The following NUFIP1 variants were observed in gnomAD, a reference collection of about 807,000 sequenced individuals.
NUFIP1 encodes the protein FMR1-interacting protein NUFIP1.
Under a neutral mutation model 56.2 loss-of-function variants are expected in NUFIP1, and 38 were observed. The observed-to-expected ratio is 0.68, with a 90% CI of 0.52 to 0.89. NUFIP1 has a LOEUF of 0.89. NUFIP1 is among the 40% of genes least tolerant of loss of function. The pLI is 0.00. For synonymous variants in NUFIP1, 215 were observed against 212.4 expected, an observed-to-expected ratio of 1.01 and a Z score of -0.10; for missense variants, 567 against 605.8, an observed-to-expected ratio of 0.94 and a Z score of 0.67.
intron 7 of NUFIP1, among the ~76,000 whole-genome samples, chr13:44,954,099 G>A (rs1486709659): frequency 1.3e-5 from 2 of 152,164 alleles, no homozygotes; most frequent in African/African-American, 4.8e-5. Flanking sequence ...TAAAGACTAT[G>A]CTGAAGGCAT....
At chr13:44,969,960 T>C (rs1350650054) in intron 5 of NUFIP1, among the ~76,000 whole-genome samples, 1 of 152,238 alleles carries the variant, frequency 6.6e-6, no homozygotes, top group Non-Finnish European at 1.5e-5. Context: ...CAGCATTCTT[T>C]AGAGCAGATC....
intron 5 of NUFIP1, among the ~76,000 whole-genome samples, chr13:44,971,192 G>A (rs1417654602): frequency 6.6e-6 from 1 of 152,080 alleles, no homozygotes; most frequent in Non-Finnish European, 1.5e-5. Context: ...AGTGCCCAAA[G>A]AATTTTCAGA....
intron 8 of NUFIP1, among the ~76,000 whole-genome samples, chr13:44,945,867 G>A (rs1328012439): frequency 6.6e-6 from 1 of 152,060 alleles, no homozygotes; most frequent in Non-Finnish European, 1.5e-5. Flanking sequence ...CAATTGCCTA[G>A]ACAAGAGTGG....
chr13:44,959,865 ATTAAAGGCCAAT>A (rs1278727611), intron 6 of NUFIP1, among the ~76,000 whole-genome samples: 1 of 152,030 alleles, frequency 6.6e-6, no homozygotes, highest in Non-Finnish European at 1.5e-5. Flanking sequence ...TCGTATTATC[ATTAAAGGCCAAT>A]TTAACTGGCA....
At chr13:44,977,725 G>A (rs1054814791) in intron 5 of NUFIP1, among the ~76,000 whole-genome samples, 1 of 152,206 alleles carries the variant, frequency 6.6e-6, no homozygotes, top group African/African-American at 2.4e-5. Flanking sequence ...ACCAAGTCCC[G>A]TTGACTGGTT....
intron 6 of NUFIP1, among the ~76,000 whole-genome samples, chr13:44,961,110 CTGTG>C (rs370952385): frequency 1.4e-5 from 2 of 145,046 alleles, no homozygotes; most frequent in Non-Finnish European, 1.5e-5. Flanking sequence ...CTAATTTAAA[CTGTG>C]TGTGTGTGTG....
At chr13:44,966,272 GTCTATTCAATTTAT>G (rs1414492477) in intron 5 of NUFIP1, among the ~76,000 whole-genome samples, 1 of 152,006 alleles carries the variant, frequency 6.6e-6, no homozygotes, top group African/African-American at 2.4e-5. Context: ...AAATTTTTAA[GTCTATTCAATTTAT>G]TCTAGTCATT....
chr13:44,955,925 C>T (rs893780534), intron 7 of NUFIP1, among the ~76,000 whole-genome samples: 7 of 151,382 alleles, frequency 4.6e-5, no homozygotes, highest in African/African-American at 7.3e-5. Flanking sequence ...GGGTGGATCA[C>T]GAGGTCAGGA....
chr13:44,981,645 T>C (rs1446197879), intron 2 of NUFIP1, among the ~76,000 whole-genome samples: 2 of 152,008 alleles, frequency 1.3e-5, no homozygotes, highest in Non-Finnish European at 2.9e-5. Context: ...ACCCCAACTC[T>C]ACTAAAACTA....
chr13:44,989,125 T>C lies in NUFIP1; in HGVS notation c.312A>G (p.Gln104=), dbSNP rs1303037024. Residue 104 remains glutamine, a synonymous_variant, in exon 1 of 10, where the codon CAA becomes CAG. Transcript: ENST00000379161. ...DAQSPLDSQP[Q]PSGQPWNFHA... ...GGAAATTCCAAGGCTGGCCGCTGGG[T>C]TGAGGCTGAGAATCAAGGGGAGACT... 15 of 1,613,932 alleles carry C rather than the reference T, an allele frequency of 9.3e-6. No homozygotes were observed. The highest frequency in any genetic ancestry group is 4.0e-5 in the African/African-American group (3 of 74,884).
intron 7 of NUFIP1, 55 bp downstream of exon 7, chr13:44,959,326 C>T: frequency 2.0e-6 from 3 of 1,488,524 alleles, no homozygotes; most frequent in Non-Finnish European, 2.8e-6. Flanking sequence ...GAATAATCAA[C>T]TTCAGCATCA....
intron 7 of NUFIP1, among the ~76,000 whole-genome samples, chr13:44,955,843 C>CA (rs1236669992): frequency 2.9e-4 from 44 of 150,772 alleles, no homozygotes; most frequent in African/African-American, 1.0e-3. Flanking sequence ...AAAAATCACA[C>CA]AAAAGAATCT....
Position 44,989,236 on chromosome 13 carries a change from G to T in NUFIP1, c.201C>A (p.Pro67=), listed in dbSNP as rs375419063. ...AGSKPSSESQ[P]PMEAQSLPGA... is the part of the protein sequence containing the mutation. ...CGGGGAGAGACTGGGCCTCCATGGG[G>T]GGCTGCGACTCAGAGGAAGGCTTTG... Residue 67 remains proline, a synonymous_variant, in exon 1 of 10, where the codon CCC becomes CCA. Transcript: ENST00000379161. 10 of 1,612,634 alleles carry T rather than the reference G, an allele frequency of 6.2e-6. No homozygotes were observed. Among genetic ancestry groups the T allele is most frequent in the South Asian group, 4.4e-5 (4 of 90,894 alleles).
Position 44,989,279 on chromosome 13 carries a change from G to A in NUFIP1, c.158C>T (p.Ser53Leu). 2.5e-6 allele frequency: 4 copies of A among 1,613,630 alleles called. No homozygotes were observed. The highest frequency in any genetic ancestry group is 3.4e-6 in the Non-Finnish European group (4 of 1,179,890). The change falls in exon 1 of 10, where the codon TCG (serine) becomes TTG (leucine). Residue 53 changes from serine (S) to leucine (L), a missense_variant. Transcript: ENST00000379161. ...LPPPPPPLTSSLPAAGSKPSS... is the reference protein window; with the variant it reads ...LPPPPPPLTSLLPAAGSKPSS... ...AGGCTTTGACCCGGCTGCGGGAAGC[G>A]AGGACGTAAGTGGTGGTGGCGGTGG... is the stretch of plus-strand genomic sequence containing the variant.
intron 7 of NUFIP1, among the ~76,000 whole-genome samples, chr13:44,958,313 T>C (rs922671059): frequency 2.0e-5 from 3 of 152,190 alleles, no homozygotes; most frequent in Non-Finnish European, 4.4e-5. Context: ...AGTCTCTATG[T>C]TCCTCATTTC....
At chr13:44,949,055 C>T (rs1385308105) in intron 8 of NUFIP1, among the ~76,000 whole-genome samples, 1 of 152,072 alleles carries the variant, frequency 6.6e-6, no homozygotes, top group African/African-American at 2.4e-5. Context: ...CTCCATCTAC[C>T]AAAGATGCTA....
At chr13:44,983,744 CCA>C (rs1447465413) in intron 1 of NUFIP1, among the ~76,000 whole-genome samples, 1 of 152,142 alleles carries the variant, frequency 6.6e-6, no homozygotes, top group Non-Finnish European at 1.5e-5. Context: ...CTGCAGTGAG[CCA>C]TATATGTGCC....
Position 44,989,122 on chromosome 13 carries a change from G to A in NUFIP1, c.315C>T (p.Pro105=), listed in dbSNP as rs748111422. 3.0e-5 allele frequency: 48 copies of A among 1,614,050 alleles called. No individual in the cohort carries two copies. Among genetic ancestry groups the A allele is most frequent in the Non-Finnish European group, 3.7e-5 (44 of 1,180,042 alleles). The change falls in exon 1 of 10, where the codon CCC becomes CCT. Residue 105 remains proline, a synonymous_variant. Transcript: ENST00000379161. ...CATGGAAATTCCAAGGCTGGCCGCT[G>A]GGTTGAGGCTGAGAATCAAGGGGAG... ...AQSPLDSQPQ[P]SGQPWNFHAS...
intron 8 of NUFIP1, among the ~76,000 whole-genome samples, chr13:44,948,569 G>A (rs1246529991): frequency 2.6e-5 from 4 of 152,000 alleles, no homozygotes; most frequent in Admixed American, 6.6e-5. Flanking sequence ...ATTTTCTCAC[G>A]GCTGGTAAAG....
Sources: gnomAD v4.1 joint callset for allele counts (sites outside exome capture counted in the v4.1 genomes callset) on GRCh38, gnomAD v4.1.1 for gene constraint, MANE v1.5 for transcripts, NCBI Gene and HGNC (gene_info 2026-07-23, HGNC 2026-07-21) for gene names.